ADAM19: variants seen among roughly 807,000 people sequenced by gnomAD.
The protein encoded by ADAM19 is ADAM metallopeptidase domain 19, also known as disintegrin and metalloproteinase domain-containing protein 19.
ADAM19 carries 65 observed loss-of-function variants against 114.7 expected under a neutral mutation model. That is an observed-to-expected ratio of 0.57 (90% CI 0.46 to 0.70). The LOEUF is 0.70. Ranked by LOEUF, ADAM19 falls within the 30% of genes least tolerant of loss-of-function variation. The pLI, the probability that ADAM19 is intolerant of heterozygous loss-of-function variation, is 0.00. For synonymous variants in ADAM19, 466 were observed against 460.5 expected (o/e 1.01, Z -0.15); for missense variants, 1,063 against 1,204.7 (o/e 0.88, Z 1.74).
chr5:157,529,510 C>A (rs1020414136), intron 5 of ADAM19, among the ~76,000 whole-genome samples: 2 of 152,106 alleles, frequency 1.3e-5, no homozygotes, highest in African/African-American at 2.4e-5. Flanking sequence ...AATGGGCACA[C>A]AAATCACTTG....
At position 157,477,574 on chromosome 5, in the gene ADAM19, C is replaced by T; in HGVS notation, c.*3375G>A. 5.7e-6 allele frequency: 7 copies of T among 1,236,740 alleles called. No individual in the cohort carries two copies. Among genetic ancestry groups the T allele is most frequent in the Non-Finnish European group, 7.3e-6 (7 of 961,132 alleles). 76.6% of individuals were successfully genotyped at this position (1,236,740 alleles called of 1,614,324 possible). A position where few individuals can be genotyped will look rare whatever the true frequency, so the allele number is the denominator to read the frequency against. ...TTTGGAAATGTGGGCTTGGATTCTA[C>T]AGAACCTCTCCTTCGCAGGCTCCCC... On this transcript the variant is annotated 3_prime_UTR_variant, in exon 23 of 23. Coordinates refer to ENST00000257527, the MANE Select transcript of ADAM19 (RefSeq NM_033274.5).
At chr5:157,485,760 G>A (rs1389894709) in intron 21 of ADAM19, among the ~76,000 whole-genome samples, 1 of 152,222 alleles carries the variant, frequency 6.6e-6, no homozygotes, top group Non-Finnish European at 1.5e-5. Flanking sequence ...GCCTGGTTAA[G>A]TCCTGTTCCT....
At chr5:157,536,475 A>G (rs1756769016) in intron 4 of ADAM19, among the ~76,000 whole-genome samples, 1 of 152,182 alleles carries the variant, frequency 6.6e-6, no homozygotes, top group Non-Finnish European at 1.5e-5. Context: ...TAAAAATACA[A>G]AAATTAGCCA....
intron 4 of ADAM19, among the ~76,000 whole-genome samples, chr5:157,533,227 T>A (rs988436848): frequency 5.9e-5 from 9 of 152,234 alleles, no homozygotes; most frequent in Non-Finnish European, 1.3e-4. Flanking sequence ...GTGGCTCCTC[T>A]GCCCATTCAA....
intron 4 of ADAM19, among the ~76,000 whole-genome samples, chr5:157,532,476 C>T (rs1480466106): frequency 6.6e-6 from 1 of 152,192 alleles, no homozygotes; most frequent in Non-Finnish European, 1.5e-5. Flanking sequence ...GGGGTGAAAT[C>T]AGGACGGTGT....
rs1040809902 is a variant in ADAM19, at chr5:157,480,702, T to G, written c.*247A>C. ...CAGTCACCCTCCTCATACTCTCCCC[T>G]CCCTACCTGGGGCTGTATATTGCAC... On this transcript the variant is annotated 3_prime_UTR_variant, in exon 23 of 23. Coordinates refer to ENST00000257527, the MANE Select transcript of ADAM19 (RefSeq NM_033274.5). 8 of 1,321,464 alleles carry G rather than the reference T, an allele frequency of 6.1e-6. No homozygotes were observed. Among genetic ancestry groups the G allele is most frequent in the Admixed American group, 3.3e-5 (1 of 30,342 alleles). 81.9% of individuals were successfully genotyped at this position (1,321,464 alleles called of 1,614,324 possible). A position where few individuals can be genotyped will look rare whatever the true frequency, so the allele number is the denominator to read the frequency against.
At chr5:157,484,435 C>T (rs151138638) in intron 21 of ADAM19, among the ~76,000 whole-genome samples, 1,818 of 152,084 alleles carry the variant, frequency 0.012, 24 homozygotes, top group South Asian at 0.027. Flanking sequence ...AATGACTGTC[C>T]CACCCGCAGG....
intron 12 of ADAM19, 41 bp from the exon 13 acceptor site, chr5:157,499,703 T>C (rs1755492826): frequency 2.9e-6 from 4 of 1,373,842 alleles, no homozygotes; most frequent in Non-Finnish European, 4.1e-6. Flanking sequence ...GGGAGGGCCT[T>C]CACCACCCCC....
Position 157,519,725 on chromosome 5 carries a change from T to G in ADAM19, c.600+114A>C. 3 of 1,010,904 alleles carry G rather than the reference T, an allele frequency of 3.0e-6. No homozygotes were observed. In the South Asian group the frequency reaches 5.4e-5, roughly 18 times the overall value. The allele number at this position is 1,010,904 out of a possible 1,614,324, so 62.6% of individuals were successfully genotyped here. A position where few individuals can be genotyped will look rare whatever the true frequency, so the allele number is the denominator to read the frequency against. ...GAATAAAAGAAAAACACTATTTCCT[T>G]TTTCTTAGGCATCACCTTCAATTTA... On this transcript the variant is annotated intron_variant, in intron 6 of 22. Coordinates refer to ENST00000257527, the MANE Select transcript of ADAM19 (RefSeq NM_033274.5).
At chr5:157,508,270 G>A (rs112108316) in intron 9 of ADAM19, among the ~76,000 whole-genome samples, 1 of 152,204 alleles carries the variant, frequency 6.6e-6, no homozygotes, top group African/African-American at 2.4e-5. Context: ...ATAAGCCAAA[G>A]TTTAAATGAT....
intron 14 of ADAM19, 70 bp from the exon 15 acceptor site, chr5:157,494,865 G>T: frequency 7.9e-7 from 1 of 1,262,266 alleles, no homozygotes; most frequent in Non-Finnish European, 1.1e-6. Context: ...GGTATCTTTG[G>T]TAAAGTCATG....
intron 12 of ADAM19, among the ~76,000 whole-genome samples, chr5:157,499,937 C>A (rs182583773): frequency 6.6e-6 from 1 of 152,040 alleles, no homozygotes; most frequent in East Asian, 1.9e-4. Context: ...CCCCACCACA[C>A]CTGGCTAATT....
intron 4 of ADAM19, among the ~76,000 whole-genome samples, chr5:157,535,716 G>A (rs1762535028): frequency 6.6e-6 from 1 of 152,244 alleles, no homozygotes; most frequent in African/African-American, 2.4e-5. Flanking sequence ...AACAAGTCAA[G>A]GATCAGTCAT....
At chr5:157,504,768 T>G (rs1755686320) in intron 11 of ADAM19, among the ~76,000 whole-genome samples, 1 of 152,158 alleles carries the variant, frequency 6.6e-6, no homozygotes, top group Non-Finnish European at 1.5e-5. Flanking sequence ...TGAGTTCAGA[T>G]GCTAGAAGAC....
Position 157,575,621 on chromosome 5 carries a change from G to A in ADAM19, c.76C>T (p.Arg26Trp). 1.4e-6 allele frequency: 2 copies of A among 1,446,382 alleles called. No homozygotes were observed. The highest frequency in any genetic ancestry group is 2.7e-5 in the Admixed American group (1 of 36,558). The allele number at this position is 1,446,382 out of a possible 1,614,324, so 89.6% of individuals were successfully genotyped here. A position where few individuals can be genotyped will look rare whatever the true frequency, so the allele number is the denominator to read the frequency against. Reference protein sequence around the residue: ...ALQPLRPRAAREPGWTRGSEE... With the variant: ...ALQPLRPRAAWEPGWTRGSEE... ...CACTTACTTGTCCATCCAGGCTCCC[G>A]CGCCGCCCGCGGCCGGAGGGGCTGC... is the stretch of plus-strand genomic sequence containing the variant. The change falls in exon 1 of 23, where the codon CGG becomes TGG. Residue 26 changes from arginine to tryptophan, a missense_variant. Arg to Trp is a moderately radical substitution (Grantham distance 101, BLOSUM62 -3). Transcript: ENST00000257527.
chr5:157,489,279 G>T, intron 19 of ADAM19, 93 bp from the exon 20 acceptor site: 2 of 884,216 alleles, frequency 2.3e-6, no homozygotes, highest in Non-Finnish European at 3.7e-6. Flanking sequence ...CGGCCAGCAA[G>T]CAGCTAAATC....
chr5:157,527,037 A>AT (rs1756483938), intron 5 of ADAM19, among the ~76,000 whole-genome samples: 4 of 152,194 alleles, frequency 2.6e-5, no homozygotes, highest in Non-Finnish European at 5.9e-5. Flanking sequence ...ACTGCTATAA[A>AT]GAACTACTTG....
intron 3 of ADAM19, among the ~76,000 whole-genome samples, chr5:157,544,517 A>G (rs532957532): frequency 4.6e-5 from 7 of 152,268 alleles, no homozygotes; most frequent in Admixed American, 4.6e-4. Flanking sequence ...GTCTTTACTT[A>G]ATCCTCTTCA....
At chr5:157,520,410 C>T (rs1054661960) in intron 5 of ADAM19, among the ~76,000 whole-genome samples, 1 of 152,006 alleles carries the variant, frequency 6.6e-6, no homozygotes, top group African/African-American at 2.4e-5. Context: ...GATGGTAGGT[C>T]CAGGATTCCA....
Sources: allele counts gnomAD v4.1 joint callset (sites outside exome capture counted in the v4.1 genomes callset), GRCh38; gene constraint gnomAD v4.1.1; transcripts MANE v1.5; gene names NCBI Gene and HGNC (gene_info 2026-07-23, HGNC 2026-07-21).